Variants in OXCT1 observed in about 807,000 individuals in gnomAD.
The protein encoded by OXCT1 is succinyl-CoA:3-ketoacid coenzyme A transferase 1, mitochondrial.
A neutral mutation model predicts 69.6 loss-of-function variants in OXCT1; 27 were observed. The ratio of observed to expected loss-of-function variants is 0.39; its 90% CI spans 0.29 to 0.54. OXCT1 has a LOEUF of 0.54. Among genes scored for constraint, OXCT1 ranks in the 20% least tolerant of loss-of-function variants. The probability of loss-of-function intolerance (pLI) is 0.72; values close to 1 mark genes in which losing one functional copy is unlikely to be tolerated. For synonymous variants in OXCT1, 202 were observed against 217.8 expected (o/e 0.93, Z 0.64); for missense variants, 437 against 650.2 (o/e 0.67, Z 3.57).
intron 16 of OXCT1, among the ~76,000 whole-genome samples, chr5:41,733,269 G>T (rs1478987042): frequency 7.0e-6 from 1 of 142,928 alleles, no homozygotes; most frequent in Non-Finnish European, 1.5e-5. Context: ...TTTTTGAGAC[G>T]GAGTTTTGCT....
chr5:41,846,940 G>A (rs1748937991), intron 5 of OXCT1, among the ~76,000 whole-genome samples: 1 of 152,174 alleles, frequency 6.6e-6, no homozygotes, highest in South Asian at 2.1e-4. Context: ...TTTGAGAAGT[G>A]TCTGTTCATG....
At chr5:41,733,173 A>G (rs527774322) in intron 16 of OXCT1, among the ~76,000 whole-genome samples, 65 of 152,272 alleles carry the variant, frequency 4.3e-4, no homozygotes, top group African/African-American at 1.5e-3. Context: ...TATTTAGATA[A>G]GTATATCTCA....
intron 13 of OXCT1, among the ~76,000 whole-genome samples, chr5:41,781,005 G>A (rs1026776141): frequency 2.6e-5 from 4 of 151,820 alleles, no homozygotes; most frequent in African/African-American, 4.8e-5. Context: ...CTGGGGTCAC[G>A]CCATTCTCCT....
At chr5:41,825,461 C>G (rs1014375878) in intron 7 of OXCT1, among the ~76,000 whole-genome samples, 2 of 152,116 alleles carry the variant, frequency 1.3e-5, no homozygotes, top group African/African-American at 4.8e-5. Context: ...TTAAAATATT[C>G]CATCCAAAAA....
chr5:41,812,900 T>A (rs1455108746), intron 7 of OXCT1, among the ~76,000 whole-genome samples: 1 of 151,954 alleles, frequency 6.6e-6, no homozygotes, highest in South Asian at 2.1e-4. Flanking sequence ...CGAAAAATGG[T>A]AGAAGTGTCA....
At chr5:41,817,409 C>CACTT (rs1747302675) in intron 7 of OXCT1, among the ~76,000 whole-genome samples, 1 of 152,166 alleles carries the variant, frequency 6.6e-6, no homozygotes. Flanking sequence ...TTCTTCCCAG[C>CACTT]ACTTGCATGA....
At chr5:41,807,521 AC>A (rs1746744463) in intron 7 of OXCT1, 83 bp from the exon 8 acceptor site, 1 of 766,580 alleles carries the variant, frequency 1.3e-6, no homozygotes, top group Non-Finnish European at 2.3e-6. Flanking sequence ...ACACAACTTC[AC>A]ATACAACTTA....
intron 13 of OXCT1, among the ~76,000 whole-genome samples, chr5:41,769,579 A>G (rs78948931): frequency 6.6e-6 from 1 of 150,390 alleles, no homozygotes; most frequent in Admixed American, 6.7e-5. Flanking sequence ...AAAAAAAAAA[A>G]GTCACTAGAT....
chr5:41,773,266 T>C (rs1392495295), intron 13 of OXCT1, among the ~76,000 whole-genome samples: 1 of 151,882 alleles, frequency 6.6e-6, no homozygotes, highest in African/African-American at 2.4e-5. Context: ...AAGAACTTGG[T>C]AGTGCAGAAA....
At chr5:41,739,587 C>A in intron 15 of OXCT1, 96 bp from the exon 16 acceptor site, 1 of 918,864 alleles carries the variant, frequency 1.1e-6, no homozygotes, top group Non-Finnish European at 1.8e-6. Flanking sequence ...TCGACGAGGT[C>A]GGGTGTGGTG....
intron 16 of OXCT1, among the ~76,000 whole-genome samples, chr5:41,735,382 G>GT (rs1189736867): frequency 1.3e-5 from 2 of 152,172 alleles, no homozygotes; most frequent in Non-Finnish European, 2.9e-5. Context: ...CTCATATGAG[G>GT]TATCTAGAAT....
In OXCT1 at chr5:41,842,289, T is replaced by C. The variant is rs1748662419; in HGVS notation, c.671+386A>G. 2.0e-5 allele frequency among the ~76,000 whole-genome samples: 3 copies of C among 152,158 alleles called. No individual in the cohort carries two copies. In the South Asian group the frequency reaches 6.2e-4, roughly 32 times the overall value. On this transcript the variant is annotated intron_variant, in intron 6 of 16. Coordinates refer to ENST00000196371, the MANE Select transcript of OXCT1 (RefSeq NM_000436.4). ...GATTATTAGCAGTATCTTTCCAGAG[T>C]ATCAAATTAGCTTTGACATTTTAAG...
intron 1 of OXCT1, among the ~76,000 whole-genome samples, chr5:41,867,319 A>T (rs1282052205): frequency 6.6e-6 from 1 of 152,234 alleles, no homozygotes; most frequent in Non-Finnish European, 1.5e-5. Flanking sequence ...CAAAGTTAAA[A>T]TATTGAAAAT....
At chr5:41,859,102 C>T (rs1274071204) in intron 3 of OXCT1, among the ~76,000 whole-genome samples, 1 of 151,360 alleles carries the variant, frequency 6.6e-6, no homozygotes, top group African/African-American at 2.4e-5. Flanking sequence ...TCCCTTTGTC[C>T]AGCACATCTA....
At chr5:41,778,664 C>T (rs1424701397) in intron 13 of OXCT1, among the ~76,000 whole-genome samples, 1 of 152,166 alleles carries the variant, frequency 6.6e-6, no homozygotes, top group East Asian at 1.9e-4. Flanking sequence ...TCGAGTGCTG[C>T]AAGTTCTTCA....
At chr5:41,735,812 C>G (rs1364143674) in intron 16 of OXCT1, among the ~76,000 whole-genome samples, 1 of 152,154 alleles carries the variant, frequency 6.6e-6, no homozygotes, top group Non-Finnish European at 1.5e-5. Context: ...GGCAGAGGAA[C>G]CTTAACATGT....
In OXCT1 at chr5:41,862,870, C is replaced by T. The variant is rs993667950; in HGVS notation, c.79-120G>A. The T allele has an allele frequency of 7.7e-5, 51 of 662,720 alleles. 1 individual carries two copies. The highest frequency in any genetic ancestry group is 2.2e-4 in the South Asian group (14 of 62,644). 41.1% of individuals were successfully genotyped at this position (662,720 alleles called of 1,614,324 possible). A position where few individuals can be genotyped will look rare whatever the true frequency, so the allele number is the denominator to read the frequency against. On this transcript the variant is annotated intron_variant, in intron 1 of 16. Coordinates refer to ENST00000196371, the MANE Select transcript of OXCT1 (RefSeq NM_000436.4). ...TTTCATTATCTCCTTTATATATACACGTTTTTAATTGCCAGGTAATAACTG... is the reference window on the plus strand; with the variant it reads ...TTTCATTATCTCCTTTATATATACATGTTTTTAATTGCCAGGTAATAACTG...
intron 15 of OXCT1, among the ~76,000 whole-genome samples, chr5:41,748,437 A>G (rs577879719): frequency 6.6e-6 from 1 of 152,186 alleles, no homozygotes; most frequent in Admixed American, 6.6e-5. Context: ...ACAGGGTAAA[A>G]GATTGCTTTG....
intron 15 of OXCT1, among the ~76,000 whole-genome samples, chr5:41,745,431 T>C (rs918698736): frequency 6.6e-6 from 1 of 152,118 alleles, no homozygotes; most frequent in African/African-American, 2.4e-5. Context: ...TAGCACTAAA[T>C]GCCCACAAGA....
Sources: allele counts gnomAD v4.1 joint callset (sites outside exome capture counted in the v4.1 genomes callset), GRCh38; gene constraint gnomAD v4.1.1; transcripts MANE v1.5; gene names NCBI Gene and HGNC (gene_info 2026-07-23, HGNC 2026-07-21).